Variants in DOCK2 observed in about 807,000 individuals in gnomAD.
DOCK2 encodes dedicator of cytokinesis 2.
Under a neutral mutation model 248.9 loss-of-function variants are expected in DOCK2, and 87 were observed. The observed-to-expected ratio is 0.35, with a 90% CI of 0.29 to 0.42. The LOEUF (loss-of-function observed/expected upper bound fraction) is 0.42, where lower values mean the gene tolerates loss of function less well. Ranked by LOEUF, DOCK2 falls within the 10% of genes least tolerant of loss-of-function variation. The pLI is 1.00. For synonymous variants in DOCK2, 805 were observed against 821.6 expected, an observed-to-expected ratio of 0.98 and a Z score of 0.35; for missense variants, 1,747 against 2,300.2, an observed-to-expected ratio of 0.76 and a Z score of 4.92.
At chr5:169,974,067 T>C (rs1020496358) in intron 27 of DOCK2, among the ~76,000 whole-genome samples, 2 of 152,242 alleles carry the variant, frequency 1.3e-5, no homozygotes, top group East Asian at 3.8e-4. Context: ...ATTTTAATGA[T>C]AATAAGATCA....
In DOCK2 at chr5:169,979,788, C is replaced by A. The variant is rs537088451; in HGVS notation, c.2800-3280C>A. Among the ~76,000 whole-genome samples the A allele has an allele frequency of 2.6e-5, 4 of 152,294 alleles. No homozygotes were observed. In the South Asian group the frequency reaches 6.2e-4, roughly 24 times the overall value. On this transcript the variant is annotated intron_variant, in intron 27 of 51. Coordinates refer to ENST00000520908, the MANE Select transcript of DOCK2 (RefSeq NM_004946.3). ...TAGTGAGAACTAAGAAATTAACAAG[C>A]TGGTAAAAGTAATTTTGATTGATCA... is the stretch of plus-strand genomic sequence containing the variant.
chr5:169,874,024 G>A (rs72842510), intron 27 of DOCK2, among the ~76,000 whole-genome samples: 15,201 of 152,232 alleles, frequency 0.1, 932 homozygotes, highest in Admixed American at 0.17. Flanking sequence ...TAGATACAAA[G>A]GGAGGCTCTT....
At chr5:169,910,857 C>T (rs1194678298) in intron 27 of DOCK2, among the ~76,000 whole-genome samples, 1 of 152,190 alleles carries the variant, frequency 6.6e-6, no homozygotes, top group Non-Finnish European at 1.5e-5. Flanking sequence ...TCTCTCCAGC[C>T]CACCTAGTCG....
intron 7 of DOCK2, among the ~76,000 whole-genome samples, 170 bp downstream of exon 7, chr5:169,682,049 G>A (rs531605801): frequency 2.0e-5 from 3 of 152,348 alleles, no homozygotes; most frequent in South Asian, 4.1e-4. Flanking sequence ...ACTCAAATCT[G>A]TAATTCATTC....
intron 32 of DOCK2, among the ~76,000 whole-genome samples, chr5:170,013,773 A>C (rs1316447116): frequency 6.6e-6 from 1 of 152,152 alleles, no homozygotes. Flanking sequence ...GTGGTGATTT[A>C]TAACAACAGC....
chr5:170,054,347 GA>G (rs1757032068), intron 41 of DOCK2, among the ~76,000 whole-genome samples: 1 of 152,226 alleles, frequency 6.6e-6, no homozygotes, highest in Admixed American at 6.5e-5. Context: ...GAAGAAATGG[GA>G]GGTAGGGAAA....
chr5:169,840,982 AT>A, intron 27 of DOCK2, 130 bp downstream of exon 27: 1 of 1,009,276 alleles, frequency 9.9e-7, no homozygotes, highest in African/African-American at 1.6e-5. Flanking sequence ...GGGTGACCAG[AT>A]TTTTCCTGTC....
intron 25 of DOCK2, among the ~76,000 whole-genome samples, chr5:169,785,372 G>A (rs903570710): frequency 2.0e-5 from 3 of 152,116 alleles, no homozygotes; most frequent in Non-Finnish European, 2.9e-5. Context: ...TCTTCCATCA[G>A]AGAGTGTGAA....
intron 25 of DOCK2, chr5:169,772,830 G>A (rs1765166044): frequency 6.6e-6 from 1 of 152,194 alleles, no homozygotes; most frequent in Admixed American, 6.5e-5. Context: ...TCAGCTGGGG[G>A]CAAGGGATGA....
chr5:170,005,864 TA>T (rs1755016420), intron 30 of DOCK2, among the ~76,000 whole-genome samples: 1 of 152,324 alleles, frequency 6.6e-6, no homozygotes, highest in Admixed American at 6.5e-5. Flanking sequence ...TCTTATGTGT[TA>T]GGGGGCATTT....
intron 5 of DOCK2, 59 bp from the exon 6 acceptor site, chr5:169,674,238 C>A: frequency 6.3e-7 from 1 of 1,588,558 alleles, no homozygotes; most frequent in South Asian, 1.1e-5. Context: ...CACAGCCTGC[C>A]AAATAGATGG....
chr5:169,912,591 C>G (rs1389202348), intron 27 of DOCK2, among the ~76,000 whole-genome samples: 1 of 150,702 alleles, frequency 6.6e-6, no homozygotes, highest in Non-Finnish European at 1.5e-5. Context: ...AAACAGAATT[C>G]TTTATGTGCC....
chr5:169,765,023 T>C (rs1764687037), intron 25 of DOCK2, among the ~76,000 whole-genome samples: 1 of 151,438 alleles, frequency 6.6e-6, no homozygotes, highest in African/African-American at 2.4e-5. Flanking sequence ...TTTTGGACAC[T>C]TGACAGCTAT....
intron 27 of DOCK2, chr5:169,883,345 A>G: frequency 6.4e-7 from 1 of 1,551,636 alleles, no homozygotes; most frequent in Non-Finnish European, 8.7e-7. Flanking sequence ...TTCCAAGCAT[A>G]TGCTAACAGG....
intron 27 of DOCK2, chr5:169,980,873 T>A (rs1455293854): frequency 6.6e-6 from 1 of 152,168 alleles, no homozygotes; most frequent in Non-Finnish European, 1.5e-5. Context: ...GTGTAGAGGC[T>A]ACAAGTTCCC....
In DOCK2 at chr5:169,899,737, G is replaced by A. The variant is rs375461601; in HGVS notation, c.2799+58885G>A. Among the ~76,000 whole-genome samples, 4 of 152,240 alleles carry A rather than the reference G, an allele frequency of 2.6e-5. No individual in the cohort carries two copies. The East Asian group carries it at 7.7e-4, about 29-fold the overall frequency. ...CTTTCAATGTTCCTTTCCATTCCTT[G>A]TTGGCATACAAAGACTGCATAACAC... On this transcript the variant is annotated intron_variant, in intron 27 of 51. Coordinates refer to ENST00000520908, the MANE Select transcript of DOCK2 (RefSeq NM_004946.3).
At chr5:169,945,143 T>C (rs756619732) in intron 27 of DOCK2, among the ~76,000 whole-genome samples, 4 of 152,226 alleles carry the variant, frequency 2.6e-5, no homozygotes, top group Non-Finnish European at 5.9e-5. Context: ...AGAAGAATCC[T>C]CTGACATGGT....
At chr5:169,884,628 C>G (rs1397805313) in intron 27 of DOCK2, 2 of 152,196 alleles carry the variant, frequency 1.3e-5, no homozygotes, top group African/African-American at 2.4e-5. Context: ...GGGGTATGAC[C>G]AGGACAGGAT....
chr5:169,884,988 A>G (rs261073), intron 27 of DOCK2, among the ~76,000 whole-genome samples: 123,047 of 152,086 alleles, frequency 0.81, 50,664 homozygotes, highest in African/African-American at 0.94. Flanking sequence ...TGTGGGTGCA[A>G]GGCCTTGGAA....
Sources: gnomAD v4.1 joint callset for allele counts (sites outside exome capture counted in the v4.1 genomes callset) on GRCh38, gnomAD v4.1.1 for gene constraint, MANE v1.5 for transcripts, NCBI Gene and HGNC (gene_info 2026-07-23, HGNC 2026-07-21) for gene names.